ERP27: variants seen among roughly 807,000 people sequenced by gnomAD.
ERP27 encodes endoplasmic reticulum protein 27.
ERP27 carries 23 observed loss-of-function variants against 27.7 expected under a neutral mutation model. That is an observed-to-expected ratio of 0.83 (90% CI 0.60 to 1.18). The LOEUF is 1.18. ERP27 is among the 50% of genes most tolerant of loss of function. The probability of loss-of-function intolerance (pLI) is 0.00; values close to 1 mark genes in which losing one functional copy is unlikely to be tolerated. For missense variants in ERP27, 363 were observed against 327.9 expected (o/e 1.11, Z -0.83); for synonymous variants, 159 against 118.3 (o/e 1.34, Z -2.23).
chr12:14,934,380 A>T (rs2120622737), intron 3 of ERP27, among the ~76,000 whole-genome samples: 1 of 152,224 alleles, frequency 6.6e-6, no homozygotes, highest in East Asian at 1.9e-4. Flanking sequence ...ATACTTAAAG[A>T]TCTATGAGAC....
In ERP27 at chr12:14,937,983, G is replaced by A. The variant is rs1863796628; in HGVS notation, c.164C>T (p.Ala55Val). ...DVPAAMEFIA[A>V]TEVAVIGFFQ... ...GAAGCCTATGACAGCCACCTCAGTG[G>A]CAGCAATGAATTCCATGGCAGCTGG... Residue 55 changes from alanine (A) to valine (V), a missense_variant, in exon 2 of 7, where the codon GCC becomes GTC. Transcript: ENST00000266397. 6.2e-7 allele frequency: 1 copy of A among 1,613,938 alleles called. No individual in the cohort carries two copies.
intron 4 of ERP27, among the ~76,000 whole-genome samples, chr12:14,917,589 G>A (rs924526364): frequency 6.6e-6 from 1 of 152,164 alleles, no homozygotes; most frequent in Non-Finnish European, 1.5e-5. Flanking sequence ...AGACATTATG[G>A]TTTCTGCTCT....
chr12:14,925,388 A>G (rs1478631702), intron 3 of ERP27, among the ~76,000 whole-genome samples: 1 of 152,160 alleles, frequency 6.6e-6, no homozygotes, highest in African/African-American at 2.4e-5. Context: ...TATCTGGCCA[A>G]TTTTAAATTT....
intron 3 of ERP27, among the ~76,000 whole-genome samples, chr12:14,924,904 C>A (rs1402663906): frequency 6.6e-6 from 1 of 152,216 alleles, no homozygotes; most frequent in Non-Finnish European, 1.5e-5. Flanking sequence ...TGGTGAGGAG[C>A]ATGACCTCTG....
chr12:14,924,125 G>C (rs576350218), intron 3 of ERP27, among the ~76,000 whole-genome samples: 1 of 152,214 alleles, frequency 6.6e-6, no homozygotes, highest in South Asian at 2.1e-4. Context: ...AGATCATGTG[G>C]TATTTGTCTT....
intron 3 of ERP27, 45 bp from the exon 4 acceptor site, chr12:14,921,093 TC>T: frequency 2.0e-6 from 3 of 1,515,212 alleles, no homozygotes; most frequent in Non-Finnish European, 2.7e-6. Flanking sequence ...CATCTTTTTT[TC>T]ATGTATTGAT....
intron 5 of ERP27, 48 bp from the exon 6 acceptor site, chr12:14,915,734 C>T: frequency 6.5e-7 from 1 of 1,550,148 alleles, no homozygotes; most frequent in South Asian, 1.1e-5. Context: ...GAGGTGACGT[C>T]CAGGGATAAA....
intron 1 of ERP27, 103 bp from the exon 2 acceptor site, chr12:14,938,155 A>G: frequency 1.0e-6 from 1 of 958,192 alleles, no homozygotes; most frequent in Non-Finnish European, 1.6e-6. Flanking sequence ...GGGCAAGAAG[A>G]GCACAATTTA....
chr12:14,926,069 CAAA>C (rs35554311), intron 3 of ERP27, among the ~76,000 whole-genome samples: 1 of 139,312 alleles, frequency 7.2e-6, no homozygotes, highest in Admixed American at 7.1e-5. Context: ...ACTCTGTCTC[CAAA>C]AAAAAAAAAG....
intron 2 of ERP27, 137 bp from the exon 3 acceptor site, chr12:14,935,130 C>T: frequency 6.9e-7 from 1 of 1,451,800 alleles, no homozygotes; most frequent in Non-Finnish European, 9.1e-7. Context: ...TGATTTACCC[C>T]TAACAATTCA....
At position 14,934,976 on chromosome 12, in the gene ERP27, T is replaced by G. The variant is rs1863753892; in HGVS notation, c.213A>C (p.Ala71=). ...GCACCATGCTATGGAGTATGGGCAC[T>G]GCTGGTATTTCTAAATCCTAAAAAC... ...IGFFQDLEIP[A]VPILHSMVQK... The change falls in exon 3 of 7, where the codon GCA becomes GCC. Residue 71 remains alanine (A), a synonymous_variant. Coordinates refer to ENST00000266397, the MANE Select transcript of ERP27 (RefSeq NM_152321.4). The G allele has an allele frequency of 1.2e-6, 2 of 1,614,096 alleles. No homozygotes were observed. Among genetic ancestry groups the G allele is most frequent in the Non-Finnish European group, 1.7e-6 (2 of 1,179,980 alleles).
intron 1 of ERP27, 141 bp downstream of exon 1, chr12:14,938,273 AC>A: frequency 2.5e-6 from 2 of 808,240 alleles, no homozygotes; most frequent in African/African-American, 2.9e-5. Context: ...CCTACTCTCT[AC>A]CAGGCAAAAT....
intron 3 of ERP27, among the ~76,000 whole-genome samples, chr12:14,921,738 A>G (rs1863507109): frequency 6.6e-6 from 1 of 152,192 alleles, no homozygotes; most frequent in South Asian, 2.1e-4. Flanking sequence ...GAAATAGAAT[A>G]TTGCTAGAAC....
rs1292545903 is a variant in ERP27 at position 14,917,082 on chromosome 12, TG to T, written c.576+95del. 2.8e-6 allele frequency: 4 copies of T among 1,450,888 alleles called. No individual in the cohort carries two copies. In the African/African-American group the frequency reaches 4.2e-5, roughly 15 times the overall value. The allele number at this position is 1,450,888 out of a possible 1,614,324, so 89.9% of individuals were successfully genotyped here. A position where few individuals can be genotyped will look rare whatever the true frequency, so the allele number is the denominator to read the frequency against. On this transcript the variant is annotated intron_variant, in intron 5 of 6. Transcript: ENST00000266397. Reference sequence around the variant, plus strand: ...TGCTTTGCTATCTCCTAACCATAGTTGTTTTCCTTATTTATCTCTGCTTCCT... The same window carrying T: ...TGCTTTGCTATCTCCTAACCATAGTTTTTTCCTTATTTATCTCTGCTTCCT...
At position 14,935,070 on chromosome 12, in the gene ERP27, A is replaced by G. The variant is rs778224191; in HGVS notation, c.196-77T>C. Reference sequence around the variant, plus strand: ...ACAAACGATAGGCAAAAGAAATATGATATGATGTTTACCAGAAATCATAGA... The same window carrying G: ...ACAAACGATAGGCAAAAGAAATATGGTATGATGTTTACCAGAAATCATAGA... On this transcript the variant is annotated intron_variant, in intron 2 of 6. Transcript: ENST00000266397. The G allele has an allele frequency of 3.4e-4, 524 of 1,539,576 alleles. 1 individual carries two copies. Among genetic ancestry groups the G allele is most frequent in the Non-Finnish European group, 4.0e-4 (460 of 1,140,404 alleles).
chr12:14,935,745 T>G (rs1397719796), intron 2 of ERP27, among the ~76,000 whole-genome samples: 1 of 152,196 alleles, frequency 6.6e-6, no homozygotes, highest in African/African-American at 2.4e-5. Flanking sequence ...TTATTTATTT[T>G]GACACAGAGT....
chr12:14,918,112 A>C (rs910192285), intron 4 of ERP27, among the ~76,000 whole-genome samples: 1 of 152,206 alleles, frequency 6.6e-6, no homozygotes, highest in Non-Finnish European at 1.5e-5. Flanking sequence ...TTAACAAAGA[A>C]TAAGTAATTT....
At chr12:14,935,053 T>C in intron 2 of ERP27, 60 bp from the exon 3 acceptor site, 6 of 1,568,630 alleles carry the variant, frequency 3.8e-6, no homozygotes, top group Admixed American at 3.8e-5. Flanking sequence ...AGACAAACGA[T>C]AGGCAAAAGA....
chr12:14,936,377 A>G (rs886258549), intron 2 of ERP27, among the ~76,000 whole-genome samples: 1 of 152,182 alleles, frequency 6.6e-6, no homozygotes, highest in South Asian at 2.1e-4. Context: ...CAGAGAAGCC[A>G]CTTGCGAACA....
Sources: allele counts gnomAD v4.1 joint callset (sites outside exome capture counted in the v4.1 genomes callset), GRCh38; gene constraint gnomAD v4.1.1; transcripts MANE v1.5; gene names NCBI Gene and HGNC (gene_info 2026-07-23, HGNC 2026-07-21).